Variants in CTNS observed in about 807,000 individuals in gnomAD.
CTNS encodes cystinosin.
CTNS carries 27 observed loss-of-function variants against 43.7 expected under a neutral mutation model. That is an observed-to-expected ratio of 0.62 (90% CI 0.46 to 0.85). The LOEUF (loss-of-function observed/expected upper bound fraction) is 0.85, where lower values mean the gene tolerates loss of function less well. Among genes scored for constraint, CTNS ranks in the 40% least tolerant of loss-of-function variants. The pLI is 0.00. For missense variants in CTNS, 457 were observed against 475.4 expected, an observed-to-expected ratio of 0.96 and a Z score of 0.36; for synonymous variants, 187 against 190.6, an observed-to-expected ratio of 0.98 and a Z score of 0.16.
At chr17:3,641,384 A>ATATATATATATTT (rs1555558526) in intron 3 of CTNS, among the ~76,000 whole-genome samples, 5 of 31,202 alleles carry the variant, frequency 1.6e-4, no homozygotes, top group African/African-American at 1.2e-3. Context: ...ATATATATAT[A>ATATATATATATTT]TTTTTTTTTT....
At position 3,658,000 on chromosome 17, in the gene CTNS, C is replaced by CCCAGCGCGGTGG; in HGVS notation, c.686_697dup. On this transcript the variant is annotated splice_polypyrimidine_tract_variant and splice_region_variant and intron_variant, in intron 9 of 11. Coordinates refer to ENST00000046640, the MANE Select transcript of CTNS (RefSeq NM_004937.3). ...TCCACATCTCTGCCCTCCTCTCGCC[C>CCCAGCGCGGTGG]CCAGCGCGGTGGCCAGCGCGTGTCC... 1 of 1,608,164 alleles carries CCCAGCGCGGTGG rather than the reference C, an allele frequency of 6.2e-7. No individual in the cohort carries two copies. Among genetic ancestry groups the CCCAGCGCGGTGG allele is most frequent in the Non-Finnish European group, 8.5e-7 (1 of 1,179,872 alleles).
chr17:3,660,347 C>T lies in CTNS; in HGVS notation c.1082C>T (p.Pro361Leu), dbSNP rs560868487. 181 of 1,614,188 alleles carry T rather than the reference C, an allele frequency of 1.1e-4. 1 individual carries two copies. The highest frequency in any genetic ancestry group is 6.0e-4 in the South Asian group (55 of 91,090). Reference protein sequence around the residue: ...IQHFCLYRKRPGYDQLN With the variant: ...IQHFCLYRKRLGYDQLN The stretch of plus-strand genomic sequence containing the variant: ...CACTTCTGTTTGTACAGAAAGAGAC[C>T]GGGGTATGACCAGCTGAACTAGCAC... The change falls in exon 12 of 12, where the codon CCG becomes CTG. Residue 361 changes from proline (P) to leucine (L), a missense_variant. Transcript: ENST00000046640.
intron 9 of CTNS, chr17:3,657,046 C>T: frequency 1.8e-6 from 1 of 545,008 alleles, no homozygotes; most frequent in Non-Finnish European, 3.3e-6. Context: ...ACAGACAGCT[C>T]ATGGAGGAGT....
chr17:3,653,823 C>T (rs2076051991), intron 5 of CTNS, among the ~76,000 whole-genome samples: 1 of 151,812 alleles, frequency 6.6e-6, no homozygotes, highest in South Asian at 2.1e-4. Context: ...TTGCAGTGAG[C>T]TGAGATCGCG....
intron 5 of CTNS, chr17:3,650,268 A>G: frequency 1.3e-6 from 2 of 1,550,388 alleles, no homozygotes; most frequent in Non-Finnish European, 1.7e-6. Context: ...CCCCCTAGGA[A>G]GCAAACAGGA....
chr17:3,647,568 G>A (rs565811521), intron 4 of CTNS, 46 bp downstream of exon 4: 21 of 1,566,760 alleles, frequency 1.3e-5, no homozygotes, highest in African/African-American at 8.1e-5. Flanking sequence ...CTCAGGCCCC[G>A]CAGCTGGGTC....
Position 3,658,037 on chromosome 17 carries a change from C to T in CTNS, c.714C>T (p.Ile238=), listed in dbSNP as rs372330647. ...GCCAGCGCGTGTCCTGGCCTGCCAT[C>T]GGCTTCCTGGTGCTCGCGTGGCTCT... ...RGGQRVSWPA[I]GFLVLAWLFA... Residue 238 remains isoleucine (I), a synonymous_variant, in exon 10 of 12, where the codon ATC becomes ATT. Transcript: ENST00000046640. 6.2e-6 allele frequency: 10 copies of T among 1,611,290 alleles called. No homozygotes were observed. Among genetic ancestry groups the T allele is most frequent in the Non-Finnish European group, 8.5e-6 (10 of 1,179,976 alleles).
chr17:3,657,760 C>A, intron 9 of CTNS: 1 of 575,306 alleles, frequency 1.7e-6, no homozygotes, highest in Non-Finnish European at 3.1e-6. Flanking sequence ...AACAGGAGGC[C>A]CTGGCGATGA....
At chr17:3,655,783 C>A in intron 7 of CTNS, 1 of 263,144 alleles carries the variant, frequency 3.8e-6, no homozygotes, top group Admixed American at 4.9e-5. Context: ...CGTCGGCCTC[C>A]TGGGTGATGG....
At chr17:3,652,634 A>G (rs1049440040) in intron 5 of CTNS, among the ~76,000 whole-genome samples, 1 of 152,178 alleles carries the variant, frequency 6.6e-6, no homozygotes, top group East Asian at 1.9e-4. Flanking sequence ...GCACATAGAA[A>G]GCACTCAGTG....
chr17:3,642,464 G>T (rs1317760302), intron 3 of CTNS, among the ~76,000 whole-genome samples: 3 of 152,152 alleles, frequency 2.0e-5, no homozygotes, highest in Non-Finnish European at 4.4e-5. Context: ...AAGGTGGGTG[G>T]ATCTCTTGAG....
At chr17:3,642,785 C>G (rs2075751748) in intron 3 of CTNS, among the ~76,000 whole-genome samples, 1 of 152,158 alleles carries the variant, frequency 6.6e-6, no homozygotes, top group African/African-American at 2.4e-5. Context: ...TCTTTCTTCT[C>G]TTTGCTTTGG....
chr17:3,644,971 A>G (rs748024227), intron 3 of CTNS, among the ~76,000 whole-genome samples: 7 of 152,156 alleles, frequency 4.6e-5, no homozygotes, highest in Admixed American at 2.0e-4. Flanking sequence ...CTTGACCTCC[A>G]CTACCTCTGG....
At chr17:3,660,115 G>A (rs1230127487) in intron 11 of CTNS, 121 bp from the exon 12 acceptor site, 4 of 1,479,844 alleles carry the variant, frequency 2.7e-6, no homozygotes, top group Non-Finnish European at 2.8e-6. Context: ...CCCACCTAGG[G>A]GCCTTCGTAG....
chr17:3,653,183 G>T (rs773868550), intron 5 of CTNS, among the ~76,000 whole-genome samples: 3 of 152,186 alleles, frequency 2.0e-5, no homozygotes, highest in Non-Finnish European at 2.9e-5. Context: ...AGGCCGAAGC[G>T]GGTGGATCAC....
rs373812583 is a variant in CTNS at position 3,656,440 on chromosome 17, T to C, written c.462-47T>C. On this transcript the variant is annotated intron_variant, in intron 7 of 11. Coordinates refer to ENST00000046640, the MANE Select transcript of CTNS (RefSeq NM_004937.3). The stretch of plus-strand genomic sequence containing the variant: ...ACCCTCTGCCCTGTCCCTCCACCCC[T>C]GCCAGTCTTCACCCCCTGCCCTGTC... 1,046 of 962,068 alleles carry C rather than the reference T, an allele frequency of 1.1e-3. 6 individuals are homozygous for C. The highest frequency in any genetic ancestry group is 1.3e-3 in the Middle Eastern group (5 of 3,794). The allele number at this position is 962,068 out of a possible 1,614,324, so 59.6% of individuals were successfully genotyped here. A position where few individuals can be genotyped will look rare whatever the true frequency, so the allele number is the denominator to read the frequency against.
At chr17:3,654,246 A>G (rs1567708559) in intron 5 of CTNS, among the ~76,000 whole-genome samples, 1 of 152,182 alleles carries the variant, frequency 6.6e-6, no homozygotes, top group Non-Finnish European at 1.5e-5. Context: ...CGTTTTACAG[A>G]TGAGCAAACT....
In CTNS at chr17:3,660,837, C is replaced by G; in HGVS notation, c.*468C>G. ...CAGTGAACTCAGAGGTGCTGGTGGA[C>G]GGGCTAGGACTTTGGGGTTAGGCCA... On this transcript the variant is annotated 3_prime_UTR_variant, in exon 12 of 12. Coordinates refer to ENST00000046640, the MANE Select transcript of CTNS (RefSeq NM_004937.3). 6.5e-7 allele frequency: 1 copy of G among 1,547,718 alleles called. No individual in the cohort carries two copies. Among genetic ancestry groups the G allele is most frequent in the Non-Finnish European group, 8.8e-7 (1 of 1,140,854 alleles).
intron 3 of CTNS, among the ~76,000 whole-genome samples, chr17:3,642,041 C>CTGTGTGTG (rs371619089): frequency 0.06 from 8,596 of 143,758 alleles, 288 homozygotes; most frequent in Middle Eastern, 0.12. Flanking sequence ...TTGCCTGGGC[C>CTGTGTGTG]TGTGTGTGTG....
Sources: gnomAD v4.1 joint callset for allele counts (sites outside exome capture counted in the v4.1 genomes callset) on GRCh38, gnomAD v4.1.1 for gene constraint, MANE v1.5 for transcripts, NCBI Gene and HGNC (gene_info 2026-07-23, HGNC 2026-07-21) for gene names.